Variants in FHIT observed in about 807,000 individuals in gnomAD.
FHIT encodes the protein fragile histidine triad diadenosine triphosphatase, also known as bis(5'-adenosyl)-triphosphatase.
FHIT carries 19 observed loss-of-function variants against 17.9 expected under a neutral mutation model. The ratio of observed to expected loss-of-function variants is 1.06; its 90% CI spans 0.74 to 1.56. FHIT has a LOEUF of 1.56. FHIT is among the 40% of genes most tolerant of loss of function. The pLI, the probability that FHIT is intolerant of heterozygous loss-of-function variation, is 0.00. For missense variants in FHIT, 248 were observed against 189.2 expected (o/e 1.31, Z -1.82); for synonymous variants, 81 against 69.7 (o/e 1.16, Z -0.81).
At chr3:60,843,471 C>A (rs574413808) in intron 3 of FHIT, among the ~76,000 whole-genome samples, 1 of 152,146 alleles carries the variant, frequency 6.6e-6, no homozygotes, top group East Asian at 1.9e-4. Context: ...ATGATCCTAA[C>A]CAAAAGAGCC....
chr3:59,817,672 G>C (rs370032735), intron 8 of FHIT, among the ~76,000 whole-genome samples: 5 of 152,154 alleles, frequency 3.3e-5, no homozygotes, highest in East Asian at 3.9e-4. Context: ...GCCTTTTAAA[G>C]GCACAGAAGA....
At chr3:60,752,024 G>A (rs1319490434) in intron 4 of FHIT, among the ~76,000 whole-genome samples, 3 of 152,180 alleles carry the variant, frequency 2.0e-5, no homozygotes, top group Non-Finnish European at 2.9e-5. Context: ...GCAGGTGGAA[G>A]AGTACACATA....
chr3:60,195,678 T>C (rs1702609877), intron 5 of FHIT, among the ~76,000 whole-genome samples: 1 of 149,170 alleles, frequency 6.7e-6, no homozygotes, highest in Admixed American at 6.7e-5. Flanking sequence ...ATGTATACCA[T>C]GGAATACTAC....
intron 2 of FHIT, among the ~76,000 whole-genome samples, chr3:61,091,272 C>T (rs2035472861): frequency 6.6e-6 from 1 of 152,142 alleles, no homozygotes; most frequent in South Asian, 2.1e-4. Context: ...TCCCTACATG[C>T]CAATCAGTGA....
intron 5 of FHIT, among the ~76,000 whole-genome samples, chr3:60,433,228 T>C (rs2029888321): frequency 6.6e-6 from 1 of 152,102 alleles, no homozygotes; most frequent in South Asian, 2.1e-4. Flanking sequence ...TTCATCTACA[T>C]TATCTCCTAT....
At chr3:59,795,157 A>C (rs1699726450) in intron 8 of FHIT, among the ~76,000 whole-genome samples, 1 of 152,170 alleles carries the variant, frequency 6.6e-6, no homozygotes, top group Non-Finnish European at 1.5e-5. Context: ...AGGCTGAGGC[A>C]TGCGGATTAC....
intron 4 of FHIT, chr3:60,690,386 A>G (rs2040958705): frequency 1.7e-6 from 1 of 577,594 alleles, no homozygotes; most frequent in Non-Finnish European, 3.4e-6. Flanking sequence ...CACATGAAAA[A>G]CTGGGAACCA....
chr3:60,211,065 C>A (rs1435892061), intron 5 of FHIT, among the ~76,000 whole-genome samples: 6 of 88,580 alleles, frequency 6.8e-5, no homozygotes, highest in Non-Finnish European at 4.6e-5. Context: ...TACTATAAAA[C>A]CGTAAAAAAA....
chr3:60,561,802 C>T (rs371259617), intron 4 of FHIT, among the ~76,000 whole-genome samples: 13 of 151,966 alleles, frequency 8.6e-5, no homozygotes, highest in East Asian at 7.8e-4. Flanking sequence ...TTTTAAAAGG[C>T]CTTTTAGTAA....
intron 4 of FHIT, among the ~76,000 whole-genome samples, chr3:60,794,628 T>G (rs548274394): frequency 1.3e-5 from 2 of 152,338 alleles, no homozygotes; most frequent in African/African-American, 4.8e-5. Flanking sequence ...ACACATTGCT[T>G]ATTAATGAGA....
At chr3:61,011,274 T>C (rs865927692) in intron 3 of FHIT, among the ~76,000 whole-genome samples, 54 of 152,188 alleles carry the variant, frequency 3.5e-4, no homozygotes, top group African/African-American at 1.3e-3. Context: ...TGTAGAAACG[T>C]AGGTGCAAAA....
intron 5 of FHIT, among the ~76,000 whole-genome samples, chr3:60,507,464 G>T (rs562144002): frequency 6.6e-6 from 1 of 152,240 alleles, no homozygotes; most frequent in South Asian, 2.1e-4. Context: ...GCTAGCAAAG[G>T]TTTTTTGTTT....
intron 8 of FHIT, among the ~76,000 whole-genome samples, chr3:59,788,702 A>G (rs1262319262): frequency 6.6e-6 from 1 of 151,926 alleles, no homozygotes; most frequent in Non-Finnish European, 1.5e-5. Context: ...GCTCACAGGA[A>G]CCTCTCAAAA....
At chr3:60,810,493 G>A (rs1701541428) in intron 4 of FHIT, among the ~76,000 whole-genome samples, 1 of 152,110 alleles carries the variant, frequency 6.6e-6, no homozygotes, top group African/African-American at 2.4e-5. Flanking sequence ...TGTGTGCATG[G>A]TAATCGGCAA....
intron 5 of FHIT, 176 bp downstream of exon 5, chr3:60,536,683 TG>T: frequency 1.8e-6 from 1 of 557,934 alleles, no homozygotes; most frequent in Non-Finnish European, 2.9e-6. Context: ...TGCCACCAAC[TG>T]GATTCAGAAT....
intron 2 of FHIT, among the ~76,000 whole-genome samples, chr3:61,059,372 CTTTTTTTTT>C (rs201797361): frequency 0.012 from 1,380 of 113,312 alleles, 12 homozygotes; most frequent in Middle Eastern, 0.04. Context: ...TTGCTTTTTC[CTTTTTTTTT>C]TTTTTTTTTT....
chr3:60,358,093 T>C (rs1158940980), intron 5 of FHIT, among the ~76,000 whole-genome samples: 1 of 152,190 alleles, frequency 6.6e-6, no homozygotes, highest in Non-Finnish European at 1.5e-5. Context: ...GAGAACCACA[T>C]AAGTTTTGAG....
chr3:60,065,717 C>T (rs1394687313), intron 5 of FHIT, among the ~76,000 whole-genome samples: 2 of 152,180 alleles, frequency 1.3e-5, no homozygotes, highest in Non-Finnish European at 2.9e-5. Flanking sequence ...GCAGGAAACT[C>T]TGCTCAGTTT....
intron 5 of FHIT, among the ~76,000 whole-genome samples, chr3:60,438,609 T>C (rs987034162): frequency 1.3e-5 from 2 of 152,158 alleles, no homozygotes; most frequent in Admixed American, 1.3e-4. Flanking sequence ...AGAACTGAGG[T>C]CTCACAACAG....
Sources: gnomAD v4.1 joint callset for allele counts (sites outside exome capture counted in the v4.1 genomes callset) on GRCh38, gnomAD v4.1.1 for gene constraint, MANE v1.5 for transcripts, NCBI Gene and HGNC (gene_info 2026-07-23, HGNC 2026-07-21) for gene names.